Variants in EPB41L5 observed in about 807,000 individuals in gnomAD.
EPB41L5 encodes band 4.1-like protein 5.
Under a neutral mutation model 106.6 loss-of-function variants are expected in EPB41L5, and 55 were observed. The observed-to-expected ratio is 0.52, with a 90% CI of 0.42 to 0.65. The LOEUF is 0.65. Ranked by LOEUF, EPB41L5 falls within the 30% of genes least tolerant of loss-of-function variation. The probability of loss-of-function intolerance (pLI) is 0.00; values close to 1 mark genes in which losing one functional copy is unlikely to be tolerated. For missense variants in EPB41L5, 871 were observed against 882.1 expected (o/e 0.99, Z 0.16); for synonymous variants, 297 against 306.7 (o/e 0.97, Z 0.33).
intron 2 of EPB41L5, among the ~76,000 whole-genome samples, chr2:120,021,478 A>G (rs1469842411): frequency 1.3e-5 from 2 of 152,030 alleles, no homozygotes; most frequent in Admixed American, 1.3e-4. Flanking sequence ...CCCCGTCTCT[A>G]CTAAAAATAC....
intron 16 of EPB41L5, among the ~76,000 whole-genome samples, chr2:120,101,183 G>T (rs941387669): frequency 6.6e-6 from 1 of 152,116 alleles, no homozygotes; most frequent in African/African-American, 2.4e-5. Context: ...TATCCACTAC[G>T]TGTTATTCCA....
At chr2:120,075,784 T>G in intron 7 of EPB41L5, 31 bp downstream of exon 7, 1 of 1,530,088 alleles carries the variant, frequency 6.5e-7, no homozygotes, top group Non-Finnish European at 9.0e-7. Flanking sequence ...CTGTTAAGAC[T>G]CAAGTATAAT....
chr2:120,072,755 G>A (rs530110689), intron 3 of EPB41L5, among the ~76,000 whole-genome samples: 5 of 152,226 alleles, frequency 3.3e-5, no homozygotes, highest in Non-Finnish European at 7.4e-5. Context: ...ACAGGGAGGG[G>A]AACATCACAT....
intron 20 of EPB41L5, 93 bp from the exon 21 acceptor site, chr2:120,160,788 T>A: frequency 1.2e-6 from 1 of 830,292 alleles, no homozygotes; most frequent in Non-Finnish European, 2.0e-6. Flanking sequence ...CCTACATGAA[T>A]TTGTTGCACT....
At chr2:120,013,920 C>G (rs1677327516) in intron 1 of EPB41L5, among the ~76,000 whole-genome samples, 1 of 152,110 alleles carries the variant, frequency 6.6e-6, no homozygotes, top group Non-Finnish European at 1.5e-5. Flanking sequence ...TAATGTAACC[C>G]ACAACTGCAT....
chr2:120,049,067 G>A (rs1381914768), intron 3 of EPB41L5, among the ~76,000 whole-genome samples: 1 of 152,198 alleles, frequency 6.6e-6, no homozygotes, highest in Non-Finnish European at 1.5e-5. Context: ...TTGCCGAGGA[G>A]TGCTTTACTT....
intron 19 of EPB41L5, among the ~76,000 whole-genome samples, chr2:120,144,620 G>A (rs1686319904): frequency 6.6e-6 from 1 of 152,072 alleles, no homozygotes; most frequent in Admixed American, 6.6e-5. Flanking sequence ...AGAAATATTA[G>A]CAGTTCTACA....
At chr2:120,127,413 G>T (rs1008951240) in intron 16 of EPB41L5, among the ~76,000 whole-genome samples, 3 of 152,244 alleles carry the variant, frequency 2.0e-5, no homozygotes, top group South Asian at 4.1e-4. Flanking sequence ...TATATGAAAT[G>T]GTGTCGTGTT....
At chr2:120,013,749 A>C (rs1053306346) in intron 1 of EPB41L5, 1 of 152,194 alleles carries the variant, frequency 6.6e-6, no homozygotes, top group Admixed American at 6.5e-5. Flanking sequence ...TTGTCGTGCT[A>C]ATGATGGGTT....
At chr2:120,115,918 T>C (rs140607429) in intron 16 of EPB41L5, among the ~76,000 whole-genome samples, 1 of 152,240 alleles carries the variant, frequency 6.6e-6, no homozygotes, top group Non-Finnish European at 1.5e-5. Flanking sequence ...CAGGCGATTC[T>C]CATACCTCAT....
At chr2:120,087,906 T>C (rs773095826) in intron 11 of EPB41L5, among the ~76,000 whole-genome samples, 1 of 152,240 alleles carries the variant, frequency 6.6e-6, no homozygotes, top group Non-Finnish European at 1.5e-5. Context: ...CATGCTTGGA[T>C]GCAACTCACA....
chr2:120,058,860 A>G (rs1422815846), intron 3 of EPB41L5, among the ~76,000 whole-genome samples: 1 of 152,248 alleles, frequency 6.6e-6, no homozygotes, highest in Non-Finnish European at 1.5e-5. Flanking sequence ...GGAAGACTCA[A>G]CAAAGATACC....
At chr2:120,026,782 C>T (rs1678351976) in intron 2 of EPB41L5, among the ~76,000 whole-genome samples, 1 of 152,108 alleles carries the variant, frequency 6.6e-6, no homozygotes, top group Non-Finnish European at 1.5e-5. Flanking sequence ...AGGAGACCAT[C>T]AAATAAGTTA....
At chr2:120,172,504 C>A (rs568825380) in intron 24 of EPB41L5, among the ~76,000 whole-genome samples, 1 of 152,318 alleles carries the variant, frequency 6.6e-6, no homozygotes, top group African/African-American at 2.4e-5. Context: ...AGGGCAATTT[C>A]TCACCCAGAG....
intron 18 of EPB41L5, 76 bp downstream of exon 18, chr2:120,131,791 ACTTT>A: frequency 1.8e-6 from 2 of 1,116,742 alleles, no homozygotes; most frequent in Non-Finnish European, 2.7e-6. Context: ...CAAAGACAGT[ACTTT>A]CTTTTTTCTT....
intron 1 of EPB41L5, among the ~76,000 whole-genome samples, chr2:120,018,373 A>G (rs1005756609): frequency 6.6e-6 from 1 of 152,182 alleles, no homozygotes; most frequent in Non-Finnish European, 1.5e-5. Flanking sequence ...AGACCTGATG[A>G]ACTTCATGAA....
intron 22 of EPB41L5, 36 bp downstream of exon 22, chr2:120,164,946 T>G: frequency 6.7e-7 from 1 of 1,484,206 alleles, no homozygotes. Context: ...TGGAAAGAAA[T>G]TTCTGTTTTG....
chr2:120,019,004 C>A, intron 1 of EPB41L5, 73 bp from the exon 2 acceptor site: 1 of 1,296,998 alleles, frequency 7.7e-7, no homozygotes. Context: ...TAAATAATGC[C>A]ATTTGACTGA....
rs556468230 is a variant in EPB41L5, at chr2:120,051,150, T to C, written c.285+9040T>C. On this transcript the variant is annotated intron_variant, in intron 3 of 24. Transcript: ENST00000263713. Reference sequence around the variant, plus strand: ...CTGTCCATTCTCAGATCTCAAACAGTGTGCTGGGAGAATCACCACTCTCTT... The same window carrying C: ...CTGTCCATTCTCAGATCTCAAACAGCGTGCTGGGAGAATCACCACTCTCTT... Among the ~76,000 whole-genome samples, 8 of 152,290 alleles carry C rather than the reference T, an allele frequency of 5.3e-5. No homozygotes were observed. In the South Asian group the frequency reaches 1.5e-3, roughly 28 times the overall value.
Sources: allele counts gnomAD v4.1 joint callset (sites outside exome capture counted in the v4.1 genomes callset), GRCh38; gene constraint gnomAD v4.1.1; transcripts MANE v1.5; gene names NCBI Gene and HGNC (gene_info 2026-07-23, HGNC 2026-07-21).